The following COL2A1 variants were observed in gnomAD, a reference collection of about 807,000 sequenced individuals.
COL2A1 encodes collagen alpha-1(II) chain.
A neutral mutation model predicts 204.5 loss-of-function variants in COL2A1; 28 were observed. The observed-to-expected ratio is 0.14, with a 90% CI of 0.10 to 0.19. COL2A1 has a LOEUF of 0.19. COL2A1 is among the 10% of genes least tolerant of loss of function. The pLI, the probability that COL2A1 is intolerant of heterozygous loss-of-function variation, is 1.00. For synonymous variants in COL2A1, 708 were observed against 718.7 expected, an observed-to-expected ratio of 0.99 and a Z score of 0.24; for missense variants, 1,388 against 2,027.5, an observed-to-expected ratio of 0.68 and a Z score of 6.06.
At position 47,976,152 on chromosome 12, in the gene COL2A1, C is replaced by A; in HGVS notation, c.3490-82G>T. On this transcript the variant is annotated intron_variant, in intron 49 of 53. Transcript: ENST00000380518. The surrounding 1 kb of genome is among the most constrained non-coding windows in gnomAD (Gnocchi z 4.3). The stretch of plus-strand genomic sequence containing the variant: ...TCGCTGGGGCTGGGTAGGTGGCTGT[C>A]CTGATAGCACCAGCCACTCCGCCCC... The A allele has an allele frequency of 1.1e-6, 1 of 942,030 alleles. No homozygotes were observed. The highest frequency in any genetic ancestry group is 1.8e-6 in the Non-Finnish European group (1 of 569,522). 58.4% of individuals were successfully genotyped at this position (942,030 alleles called of 1,614,324 possible). A position where few individuals can be genotyped will look rare whatever the true frequency, so the allele number is the denominator to read the frequency against.
rs1938522175 is a variant in COL2A1 at position 47,973,247 on chromosome 12, T to C, written c.*160A>G. The C allele has an allele frequency of 1.1e-6, 1 of 898,420 alleles. No individual in the cohort carries two copies. The highest frequency in any genetic ancestry group is 1.6e-5 in the African/African-American group (1 of 61,116). 55.7% of individuals were successfully genotyped at this position (898,420 alleles called of 1,614,324 possible). On this transcript the variant is annotated 3_prime_UTR_variant, in exon 54 of 54. Transcript: ENST00000380518. ...TGCAGTCTGCCCAGTTCAGGTCTCTTAGAAAGAGAGGGGAGAAAAGTCCGA... is the reference window on the plus strand; with the variant it reads ...TGCAGTCTGCCCAGTTCAGGTCTCTCAGAAAGAGAGGGGAGAAAAGTCCGA...
intron 15 of COL2A1, 54 bp from the exon 16 acceptor site, chr12:47,992,985 G>A (rs1939776489): frequency 6.4e-7 from 1 of 1,566,506 alleles, no homozygotes. Flanking sequence ...GGTGCTCAGG[G>A]TGACCATTTC....
In COL2A1 at chr12:47,999,203, A is replaced by T. The variant is rs139183491; in HGVS notation, c.292+716T>A. Reference sequence around the variant, plus strand: ...CTCTGCAGGGAGATAGGACATCTGTATGAATGCTGGGAAGGGGTCACCTGC... The same window carrying T: ...CTCTGCAGGGAGATAGGACATCTGTTTGAATGCTGGGAAGGGGTCACCTGC... On this transcript the variant is annotated intron_variant, in intron 2 of 53. Coordinates refer to ENST00000380518, the MANE Select transcript of COL2A1 (RefSeq NM_001844.5). Among the ~76,000 whole-genome samples the T allele has an allele frequency of 1.2e-4, 19 of 152,330 alleles. No homozygotes were observed. The East Asian group carries it at 1.7e-3, about 14-fold the overall frequency.
intron 7 of COL2A1, 28 bp from the exon 8 acceptor site, chr12:47,996,653 G>T: frequency 6.2e-7 from 1 of 1,601,110 alleles, no homozygotes; most frequent in Non-Finnish European, 8.6e-7. Context: ...AACGTTAGGA[G>T]GTTGAAAGGC....
chr12:47,994,531 G>T, intron 11 of COL2A1, 54 bp from the exon 12 acceptor site: 1 of 1,598,202 alleles, frequency 6.3e-7, no homozygotes, highest in Admixed American at 1.7e-5. Context: ...GTAGCATAGT[G>T]GGGGCACCCC....
At chr12:47,984,235 TC>T in intron 28 of COL2A1, 95 bp from the exon 29 acceptor site, 1 of 1,143,192 alleles carries the variant, frequency 8.7e-7, no homozygotes, top group Non-Finnish European at 1.3e-6. Flanking sequence ...GCCCAGAGTT[TC>T]CAGACCTCCA....
intron 7 of COL2A1, 42 bp downstream of exon 7, chr12:47,997,564 C>G: frequency 6.2e-7 from 1 of 1,613,684 alleles, no homozygotes; most frequent in Non-Finnish European, 8.5e-7. Context: ...AGCCACATTT[C>G]TGGAGGGACA....
intron 33 of COL2A1, 69 bp from the exon 34 acceptor site, chr12:47,982,678 T>C: frequency 7.4e-7 from 1 of 1,344,300 alleles, no homozygotes; most frequent in Non-Finnish European, 1.1e-6. Context: ...TCATGGAGCC[T>C]GGGTAACCAG....
chr12:47,979,919 G>A (rs1235400824), intron 40 of COL2A1, 90 bp downstream of exon 40: 32 of 1,122,816 alleles, frequency 2.8e-5, no homozygotes, highest in African/African-American at 1.6e-4. Context: ...GAAAACAGTC[G>A]GGGGCATCCC....
At position 47,991,062 on chromosome 12, in the gene COL2A1, G is replaced by A. The variant is rs78963720; in HGVS notation, c.1024-1257C>T. Among the ~76,000 whole-genome samples the A allele has an allele frequency of 4.2e-3, 645 of 152,366 alleles. 27 individuals carry two copies. In the South Asian group the frequency reaches 0.093, roughly 22 times the overall value. On this transcript the variant is annotated intron_variant, in intron 16 of 53. Transcript: ENST00000380518. ...GGAGACTCTCCAGATTGGCATTTAA[G>A]AGGAAAGCAAGAGAAAACTTAGAAA...
chr12:47,986,958 T>G, intron 21 of COL2A1, 70 bp from the exon 22 acceptor site: 1 of 1,603,566 alleles, frequency 6.2e-7, no homozygotes, highest in Non-Finnish European at 8.5e-7. Flanking sequence ...GAACCCCTGT[T>G]CAAGATGCCC....
At chr12:48,005,803 T>C (rs1410584598), upstream of COL2A1, 1 of 152,242 alleles carries the variant, frequency 6.6e-6, no homozygotes, top group Non-Finnish European at 1.5e-5. Flanking sequence ...CAGTTTTGTT[T>C]CTCTGGAGCT....
intron 16 of COL2A1, 147 bp downstream of exon 16, chr12:47,992,731 G>T: frequency 1.2e-6 from 1 of 833,436 alleles, no homozygotes; most frequent in Non-Finnish European, 2.0e-6. Context: ...AGCCTGGGAA[G>T]TTTTGATGGG....
chr12:47,981,675 A>AC (rs1196350864), intron 36 of COL2A1, 101 bp downstream of exon 36: 3 of 1,324,096 alleles, frequency 2.3e-6, no homozygotes. Context: ...GCCGAGGGTG[A>AC]CAGTGGTGAG....
rs1264756919 is a variant in COL2A1, at chr12:48,001,715, G to A, written c.86-1590C>T. Among the ~76,000 whole-genome samples the A allele has an allele frequency of 3.3e-5, 5 of 152,196 alleles. No individual in the cohort carries two copies. The East Asian group carries it at 9.6e-4, about 29-fold the overall frequency. On this transcript the variant is annotated intron_variant, in intron 1 of 53. Transcript: ENST00000380518. ...CGGCTCTGGACACGGCTCGCTCACAGACACCGGGAGAGTGAAAAGTGGGAT... is the reference window on the plus strand; with the variant it reads ...CGGCTCTGGACACGGCTCGCTCACAAACACCGGGAGAGTGAAAAGTGGGAT...
intron 15 of COL2A1, 30 bp downstream of exon 15, chr12:47,993,428 T>A (rs530301302): frequency 6.4e-7 from 1 of 1,573,666 alleles, no homozygotes. Context: ...GAGTCTTTGA[T>A]AAACCTTCCT....
At chr12:47,979,260 A>T (rs1466838698) in intron 41 of COL2A1, among the ~76,000 whole-genome samples, 1 of 152,140 alleles carries the variant, frequency 6.6e-6, no homozygotes, top group Non-Finnish European at 1.5e-5. Context: ...TCCAGGATGA[A>T]GGTAATCATG....
intron 17 of COL2A1, 50 bp downstream of exon 17, chr12:47,989,711 G>C (rs753250408): frequency 2.5e-6 from 4 of 1,571,240 alleles, no homozygotes; most frequent in Admixed American, 1.7e-5. Context: ...GCTGCTTAAC[G>C]GGACTTAAAG....
In COL2A1 at chr12:47,978,828, T is replaced by G. The variant is rs188911912; in HGVS notation, c.2734-70A>C. ...CTCATCCAGGCTGCCAAAGTCACTGTGGCCTCAGTGACAGCAGTTTCCTCT... is the reference window on the plus strand; with the variant it reads ...CTCATCCAGGCTGCCAAAGTCACTGGGGCCTCAGTGACAGCAGTTTCCTCT... On this transcript the variant is annotated intron_variant, in intron 41 of 53. Transcript: ENST00000380518. The surrounding 1 kb of genome is among the most constrained non-coding windows in gnomAD (Gnocchi z 5.5). The G allele has an allele frequency of 8.5e-6, 13 of 1,531,438 alleles. No individual in the cohort carries two copies. In the Admixed American group the frequency reaches 2.2e-4, roughly 26 times the overall value. The allele number at this position is 1,531,438 out of a possible 1,614,324, so 94.9% of individuals were successfully genotyped here.
Sources: gnomAD v4.1 joint callset for allele counts (sites outside exome capture counted in the v4.1 genomes callset) on GRCh38, gnomAD v4.1.1 for gene constraint, Gnocchi (gnomAD v3.1) non-coding constraint, MANE v1.5 for transcripts, NCBI Gene and HGNC (gene_info 2026-07-23, HGNC 2026-07-21) for gene names.